The following KCNH2 variants were observed in gnomAD, a reference collection of about 807,000 sequenced individuals.
KCNH2 encodes potassium voltage-gated channel subfamily H member 2, also known as voltage-gated inwardly rectifying potassium channel KCNH2.
A neutral mutation model predicts 95.9 loss-of-function variants in KCNH2; 35 were observed. That is an observed-to-expected ratio of 0.37 (90% CI 0.28 to 0.48). KCNH2 has a LOEUF of 0.48. Among genes scored for constraint, KCNH2 ranks in the 20% least tolerant of loss-of-function variants. KCNH2 has a pLI of 0.99. For synonymous variants in KCNH2, 786 were observed against 754.7 expected, an observed-to-expected ratio of 1.04 and a Z score of -0.68; for missense variants, 1,274 against 1,702.9, an observed-to-expected ratio of 0.75 and a Z score of 4.43.
At chr7:150,951,202 GGTCA>G (rs1472938113) in intron 7 of KCNH2, 82 bp from the exon 8 acceptor site, 4 of 1,257,380 alleles carry the variant, frequency 3.2e-6, no homozygotes, top group African/African-American at 1.5e-5. Flanking sequence ...CCCCGCACCA[GGTCA>G]GTGTCTCAGT....
In KCNH2 at chr7:150,952,540, T is replaced by A; in HGVS notation, c.1442A>T (p.Glu481Val). The A allele has an allele frequency of 1.2e-6, 2 of 1,614,168 alleles. No individual in the cohort carries two copies. The highest frequency in any genetic ancestry group is 1.7e-6 in the Non-Finnish European group (2 of 1,180,042). ...GATGCGGCCGGGGTGGCTGACCACC[T>A]CCTCGTTGGCATTGACGTAGGTGGT... ...FRTTYVNANE[E>V]VVSHPGRIAV... The change falls in exon 6 of 15, where the codon GAG (glutamate) becomes GTG (valine). Residue 481 changes from glutamate (E) to valine (V), a missense_variant. Physicochemically the swap from Glu to Val is moderately radical, Grantham distance 121 (BLOSUM62 -2). Coordinates refer to ENST00000262186, the MANE Select transcript of KCNH2 (RefSeq NM_000238.4). The surrounding 1 kb of genome is among the most constrained non-coding windows in gnomAD (Gnocchi z 7.3).
rs372567534 is a variant in KCNH2 at position 150,947,544 on chromosome 7, G to T, written c.2966-30C>A. The T allele has an allele frequency of 5.8e-5, 93 of 1,601,326 alleles. No homozygotes were observed. In the Admixed American group the frequency reaches 1.6e-3, roughly 27 times the overall value. The stretch of plus-strand genomic sequence containing the variant: ...AGCCAGAGAGCAGAGCTGGGTGAGC[G>T]GGGTAGACGCACCACCGCTGCCACG... On this transcript the variant is annotated intron_variant, in intron 12 of 14. Transcript: ENST00000262186.
At chr7:150,956,374 C>T (rs978141766) in intron 5 of KCNH2, among the ~76,000 whole-genome samples, 1 of 152,186 alleles carries the variant, frequency 6.6e-6, no homozygotes, top group Non-Finnish European at 1.5e-5. Flanking sequence ...GGTAGCAGGG[C>T]AGCTCCCTTA....
In KCNH2 at chr7:150,950,966, G is replaced by A; in HGVS notation, c.2100C>T (p.Tyr700=). The change falls in exon 8 of 15, where the codon TAC becomes TAT. Residue 700 remains tyrosine, a synonymous_variant. Coordinates refer to ENST00000262186, the MANE Select transcript of KCNH2 (RefSeq NM_000238.4). ...PNPLRQRLEE[Y]FQHAWSYTNG... ...TGGTGTAGGACCAGGCGTGCTGGAA[G>A]TACTCCTCGAGGCGCTGGCGCAGGG... is the stretch of plus-strand genomic sequence containing the variant. 1 of 1,614,248 alleles carries A rather than the reference G, an allele frequency of 6.2e-7. No individual in the cohort carries two copies. The highest frequency in any genetic ancestry group is 1.3e-5 in the African/African-American group (1 of 75,068).
chr7:150,968,410 C>T (rs762299050), intron 2 of KCNH2, among the ~76,000 whole-genome samples: 12 of 152,184 alleles, frequency 7.9e-5, no homozygotes, highest in Non-Finnish European at 1.8e-4. Context: ...CCACTGAATA[C>T]GCACCTACAG....
At chr7:150,968,017 T>A (rs1801749481) in intron 2 of KCNH2, among the ~76,000 whole-genome samples, 1 of 152,232 alleles carries the variant, frequency 6.6e-6, no homozygotes, top group Non-Finnish European at 1.5e-5. Context: ...CCCAAGAGGC[T>A]ACCAGGCCTA....
Position 150,952,089 on chromosome 7 carries a change from T to C in KCNH2, c.1558-254A>G, listed in dbSNP as rs1029863444. Among the ~76,000 whole-genome samples, 4 of 152,266 alleles carry C rather than the reference T, an allele frequency of 2.6e-5. No homozygotes were observed. Among genetic ancestry groups the C allele is most frequent in the East Asian group, 1.9e-4 (1 of 5,186 alleles). ...GCACTGACAGGTGCAGTGATCACCC[T>C]AGGGTGCCTGCCCACTCCCACCAGC... On this transcript the variant is annotated intron_variant, in intron 6 of 14. Coordinates refer to ENST00000262186, the MANE Select transcript of KCNH2 (RefSeq NM_000238.4). The surrounding 1 kb of genome is among the most constrained non-coding windows in gnomAD (Gnocchi z 7.3).
Position 150,947,830 on chromosome 7 carries a change from C to A in KCNH2, c.2741G>T (p.Gly914Val). 6.6e-7 allele frequency: 1 copy of A among 1,525,296 alleles called. No individual in the cohort carries two copies. Among genetic ancestry groups the A allele is most frequent in the Non-Finnish European group, 8.8e-7 (1 of 1,142,134 alleles). 94.5% of individuals were successfully genotyped at this position (1,525,296 alleles called of 1,614,324 possible). The change falls in exon 12 of 15, where the codon GGG becomes GTG. Residue 914 changes from glycine (G) to valine (V), a missense_variant. Gly to Val is a moderately radical substitution (Grantham distance 109, BLOSUM62 -3). Transcript: ENST00000262186. ...CCGGCCCCGGCTACTCGGCCCTGCCCCCGCCCGGCCCGGCCCCAAGGCCGA... is the reference window on the plus strand; with the variant it reads ...CCGGCCCCGGCTACTCGGCCCTGCCACCGCCCGGCCCGGCCCCAAGGCCGA... The part of the protein sequence containing the change: ...EVSALGPGRA[G>V]AGPSSRGRPG...
rs1024016175 is a variant in KCNH2, at chr7:150,961,760, G to A, written c.308-2024C>T. 1.3e-5 allele frequency among the ~76,000 whole-genome samples: 2 copies of A among 152,196 alleles called. No homozygotes were observed. Among genetic ancestry groups the A allele is most frequent in the African/African-American group, 4.8e-5 (2 of 41,442 alleles). ...ACGCCACCCCTGGGACTTGGAGCTG[G>A]TGCTTGAAGCCTGACAGTGAGGTCA... On this transcript the variant is annotated intron_variant, in intron 2 of 14. Coordinates refer to ENST00000262186, the MANE Select transcript of KCNH2 (RefSeq NM_000238.4). The surrounding 1 kb of genome is among the most constrained non-coding windows in gnomAD (Gnocchi z 6.2).
In KCNH2 at chr7:150,952,466, T is replaced by C. The variant is rs773139548; in HGVS notation, c.1516A>G (p.Ile506Val). The C allele has an allele frequency of 1.2e-6, 2 of 1,614,012 alleles. No individual in the cohort carries two copies. The highest frequency in any genetic ancestry group is 1.7e-5 in the Admixed American group (1 of 59,978). The stretch of plus-strand genomic sequence containing the variant: ...CCGAAGATGAGCAGGTCGAAGGGGA[T>C]GGCGGCCACCATGTCGATGAGGAAC... ...GWFLIDMVAA[I>V]PFDLLIFGSG... The change falls in exon 6 of 15, where the codon ATC becomes GTC. Residue 506 changes from isoleucine to valine, a missense_variant. By Grantham distance (29) the Ile-to-Val change is conservative. Coordinates refer to ENST00000262186, the MANE Select transcript of KCNH2 (RefSeq NM_000238.4). This position sits in a 1 kb window ranked among gnomAD's most constrained non-coding sequence, Gnocchi z 7.3.
At chr7:150,949,660 G>C in intron 9 of KCNH2, 2 of 1,130,730 alleles carry the variant, frequency 1.8e-6, no homozygotes, top group Non-Finnish European at 2.2e-6. Context: ...AGGGCCGAGG[G>C]AAGGACAGGC....
Position 150,962,013 on chromosome 7 carries a change from C to T in KCNH2, c.308-2277G>A, listed in dbSNP as rs1407247170. Among the ~76,000 whole-genome samples the T allele has an allele frequency of 4.6e-5, 7 of 152,240 alleles. No individual in the cohort carries two copies. Among genetic ancestry groups the T allele is most frequent in the Admixed American group, 2.6e-4 (4 of 15,286 alleles). ...ACCACATCCCAGACCCTCACAGCCC[C>T]GCCCGAGGGCCCTGAGCTCTGGGGC... On this transcript the variant is annotated intron_variant, in intron 2 of 14. Transcript: ENST00000262186. This position sits in a 1 kb window ranked among gnomAD's most constrained non-coding sequence, Gnocchi z 5.7.
In KCNH2 at chr7:150,952,404, C is replaced by T. The variant is rs1053719498; in HGVS notation, c.1557+21G>A. Reference sequence around the variant, plus strand: ...CTGGCCTCTCCTCTCCCTACACCACCTGCCTCCTTGCTGACCCCACCTCCT... The same window carrying T: ...CTGGCCTCTCCTCTCCCTACACCACTTGCCTCCTTGCTGACCCCACCTCCT... On this transcript the variant is annotated intron_variant, in intron 6 of 14. Coordinates refer to ENST00000262186, the MANE Select transcript of KCNH2 (RefSeq NM_000238.4). The surrounding 1 kb of genome is among the most constrained non-coding windows in gnomAD (Gnocchi z 7.3). 3 of 1,612,412 alleles carry T rather than the reference C, an allele frequency of 1.9e-6. No homozygotes were observed. The highest frequency in any genetic ancestry group is 1.3e-5 in the African/African-American group (1 of 75,002).
intron 2 of KCNH2, 100 bp downstream of exon 2, chr7:150,974,611 G>GCCCCCCCCCCC: frequency 1.3e-6 from 1 of 795,738 alleles, no homozygotes; most frequent in Non-Finnish European, 1.9e-6. Context: ...TTCTCCAGCC[G>GCCCCCCCCCCC]CCCCCACACC....
intron 2 of KCNH2, among the ~76,000 whole-genome samples, chr7:150,965,618 T>C (rs1391133137): frequency 2.6e-5 from 4 of 151,886 alleles, no homozygotes; most frequent in African/African-American, 4.8e-5. Flanking sequence ...CCCAGCCTTC[T>C]AGGACCCCCT....
chr7:150,956,856 T>A (rs1394739395), intron 5 of KCNH2, among the ~76,000 whole-genome samples: 1 of 152,166 alleles, frequency 6.6e-6, no homozygotes, highest in Non-Finnish European at 1.5e-5. Context: ...CCTTGACCTC[T>A]GTGACCCCTT....
intron 5 of KCNH2, chr7:150,955,795 G>A (rs960732938): frequency 1.3e-5 from 15 of 1,169,030 alleles, no homozygotes; most frequent in Non-Finnish European, 1.6e-5. Context: ...GCCCAGCAGC[G>A]GCCGCACTCG....
intron 9 of KCNH2, chr7:150,949,408 A>ATTTTT (rs1035990140): frequency 1.4e-4 from 52 of 375,722 alleles, no homozygotes; most frequent in African/African-American, 2.0e-4. Context: ...CAAAACCAGC[A>ATTTTT]TTTTTTTTTT....
At chr7:150,956,464 C>A (rs1255342570) in intron 5 of KCNH2, among the ~76,000 whole-genome samples, 2 of 152,136 alleles carry the variant, frequency 1.3e-5, no homozygotes. Context: ...TTATCCCAGG[C>A]TTCTCACTCA....
Sources: gnomAD v4.1 joint callset for allele counts (sites outside exome capture counted in the v4.1 genomes callset) on GRCh38, gnomAD v4.1.1 for gene constraint, Gnocchi (gnomAD v3.1) non-coding constraint, MANE v1.5 for transcripts, NCBI Gene and HGNC (gene_info 2026-07-23, HGNC 2026-07-21) for gene names.